BCAR1: variants seen among roughly 807,000 people sequenced by gnomAD.
BCAR1 encodes breast cancer anti-estrogen resistance protein 1.
A neutral mutation model predicts 67.6 loss-of-function variants in BCAR1; 30 were observed. The ratio of observed to expected loss-of-function variants is 0.44; its 90% CI spans 0.33 to 0.60. BCAR1 has a LOEUF of 0.60. Among genes scored for constraint, BCAR1 ranks in the 20% least tolerant of loss-of-function variants. The pLI, the probability that BCAR1 is intolerant of heterozygous loss-of-function variation, is 0.02. For synonymous variants in BCAR1, 626 were observed against 556.7 expected, an observed-to-expected ratio of 1.12 and a Z score of -1.75; for missense variants, 1,313 against 1,222.3, an observed-to-expected ratio of 1.07 and a Z score of -1.11.
At chr16:75,248,289 C>G (rs1223482440) in intron 1 of BCAR1, 1 of 1,425,456 alleles carries the variant, frequency 7.0e-7, no homozygotes, top group African/African-American at 1.4e-5. Flanking sequence ...CCCGCCCCAG[C>G]ACAGAGCCTC....
Position 75,235,741 on chromosome 16 carries a change from C to T in BCAR1, c.1158G>A (p.Leu386=). ...PGLRRPGPGT[L]YDVPRERVLP... ...GCACCCGTTCACGGGGCACATCGTA[C>T]AGGGTGCCCGGGCCAGGCCGCCGCA... Residue 386 remains leucine (L), a synonymous_variant, in exon 5 of 7, where the codon CTG becomes CTA. Transcript: ENST00000162330. 1 of 1,599,412 alleles carries T rather than the reference C, an allele frequency of 6.3e-7. No homozygotes were observed.
Position 75,229,564 on chromosome 16 carries a change from C to A in BCAR1, c.2560G>T (p.Gly854Cys), listed in dbSNP as rs1256493358. The change falls in exon 7 of 7, where the codon GGC becomes TGC. Residue 854 changes from glycine (G) to cysteine (C), a missense_variant. Around this residue, in one of 2 missense-constraint regions of BCAR1, gnomAD observed 1,272 missense variants for 1,137.5 expected, o/e 1.12. Coordinates refer to ENST00000162330, the MANE Select transcript of BCAR1 (RefSeq NM_014567.5). ...CGGCGGAACTGCTGGGTGCTGTGGC[C>A]CAGCTCCTTGACCCTCTCCACCATG... The part of the protein sequence containing the change: ...QDMVERVKEL[G>C]HSTQQFRRVL... The A allele has an allele frequency of 6.2e-7, 1 of 1,607,566 alleles. No individual in the cohort carries two copies. The highest frequency in any genetic ancestry group is 1.1e-5 in the South Asian group (1 of 90,288).
upstream of BCAR1, among the ~76,000 whole-genome samples, chr16:75,254,840 GA>G (rs2077743267): frequency 6.6e-6 from 1 of 152,170 alleles, no homozygotes; most frequent in African/African-American, 2.4e-5. Flanking sequence ...AAAACAGGTG[GA>G]CCCAGCACAC....
At chr16:75,258,137 G>A (rs2077823357) in intron 1 of BCAR1, among the ~76,000 whole-genome samples, 1 of 152,208 alleles carries the variant, frequency 6.6e-6, no homozygotes. Flanking sequence ...ACCCCGCTGG[G>A]CACCAGGGCG....
upstream of BCAR1, chr16:75,256,269 G>T (rs1300190986): frequency 6.6e-6 from 1 of 152,370 alleles, no homozygotes; most frequent in Non-Finnish European, 1.5e-5. Context: ...CGCAGAGCAT[G>T]CACTCAGGAC....
upstream of BCAR1, chr16:75,252,297 C>A (rs2077698771): frequency 1.3e-6 from 2 of 1,536,484 alleles, no homozygotes; most frequent in Non-Finnish European, 1.7e-6. Context: ...TCTGCCTCCT[C>A]TCATTACTCA....
intron 1 of BCAR1, chr16:75,251,056 G>A: frequency 2.3e-6 from 2 of 875,558 alleles, no homozygotes; most frequent in Non-Finnish European, 2.8e-6. Flanking sequence ...CCGGTGGGCA[G>A]TCCCCACGCC....
intron 1 of BCAR1, among the ~76,000 whole-genome samples, chr16:75,260,268 C>A (rs2077874686): frequency 6.6e-6 from 1 of 152,092 alleles, no homozygotes; most frequent in South Asian, 2.1e-4. Context: ...TAAGAACAGG[C>A]AAACTTAAGC....
In BCAR1 at chr16:75,239,206, C is replaced by A. The variant is rs553144626; in HGVS notation, c.634-1862G>T. The A allele has an allele frequency of 1.9e-4, 145 of 780,232 alleles. 1 individual carries two copies. Among genetic ancestry groups the A allele is most frequent in the Non-Finnish European group, 2.2e-4 (142 of 642,812 alleles). 48.3% of individuals were successfully genotyped at this position (780,232 alleles called of 1,614,324 possible). On this transcript the variant is annotated intron_variant, in intron 2 of 6. Coordinates refer to ENST00000162330, the MANE Select transcript of BCAR1 (RefSeq NM_014567.5). ...TAATCACAGGCCACCCTGCTGCACACCTGAGACCCCACTAGCAGGCCGTGG... is the reference window on the plus strand; with the variant it reads ...TAATCACAGGCCACCCTGCTGCACAACTGAGACCCCACTAGCAGGCCGTGG...
chr16:75,266,113 C>T (rs1391072374), intron 1 of BCAR1: 2 of 881,724 alleles, frequency 2.3e-6, no homozygotes, highest in Non-Finnish European at 2.7e-6. Flanking sequence ...GGCGGGGAGG[C>T]GCGGTCTCCT....
intron 1 of BCAR1, chr16:75,263,939 G>C: frequency 9.0e-7 from 1 of 1,106,964 alleles, no homozygotes; most frequent in South Asian, 4.4e-5. Flanking sequence ...AAGGTCCCAG[G>C]AGAGAGAGCC....
intron 1 of BCAR1, among the ~76,000 whole-genome samples, chr16:75,267,048 C>G (rs1028313534): frequency 6.6e-6 from 1 of 152,188 alleles, no homozygotes; most frequent in African/African-American, 2.4e-5. Flanking sequence ...AGGCTGACTT[C>G]CCCCAGCTCC....
At chr16:75,263,457 T>C (rs1323867255) in intron 1 of BCAR1, 4 of 985,286 alleles carry the variant, frequency 4.1e-6, no homozygotes, top group Non-Finnish European at 4.8e-6. Flanking sequence ...CACTGCTCTA[T>C]GCCTGGAGCA....
intron 1 of BCAR1, chr16:75,266,622 G>T: frequency 3.3e-6 from 3 of 906,674 alleles, no homozygotes; most frequent in Admixed American, 3.9e-5. Flanking sequence ...CACTGGGCAC[G>T]TGCATGTTCG....
upstream of BCAR1, among the ~76,000 whole-genome samples, chr16:75,253,970 A>AT (rs34459394): frequency 0.32 from 47,946 of 147,716 alleles, 8,468 homozygotes; most frequent in South Asian, 0.56. Flanking sequence ...GTTAGCCCCA[A>AT]TTTTTTTTTT....
At chr16:75,239,737 G>T (rs2151427018) in intron 2 of BCAR1, among the ~76,000 whole-genome samples, 1 of 152,254 alleles carries the variant, frequency 6.6e-6, no homozygotes, top group Non-Finnish European at 1.5e-5. Context: ...CCCGACCTGG[G>T]TCATGGTGGC....
chr16:75,243,116 G>A (rs763562414), intron 1 of BCAR1, 26 bp from the exon 2 acceptor site: 1 of 1,557,238 alleles, frequency 6.4e-7, no homozygotes, highest in Non-Finnish European at 8.7e-7. Context: ...ACAGGTGTGA[G>A]AACAGAAGGA....
At chr16:75,238,333 A>C in intron 2 of BCAR1, 1 of 1,132,432 alleles carries the variant, frequency 8.8e-7, no homozygotes, top group South Asian at 1.8e-5. Flanking sequence ...CTCCCTGTTC[A>C]GCTCTCTCCA....
upstream of BCAR1, chr16:75,251,905 A>G: frequency 2.3e-6 from 1 of 434,948 alleles, no homozygotes; most frequent in South Asian, 2.7e-5. Flanking sequence ...CCCAGGCGAG[A>G]ACGCACCGAA....
Sources: gnomAD v4.1 joint callset for allele counts (sites outside exome capture counted in the v4.1 genomes callset) on GRCh38, gnomAD v4.1.1 for gene constraint, gnomAD v4.1.1 regional missense constraint, MANE v1.5 for transcripts, NCBI Gene and HGNC (gene_info 2026-07-23, HGNC 2026-07-21) for gene names.